DENND2C: variants seen among roughly 807,000 people sequenced by gnomAD.
DENND2C encodes DENN domain-containing protein 2C.
Under a neutral mutation model 112.4 loss-of-function variants are expected in DENND2C, and 72 were observed. The observed-to-expected ratio is 0.64, with a 90% CI of 0.53 to 0.78. DENND2C has a LOEUF of 0.78. Among genes scored for constraint, DENND2C ranks in the 30% least tolerant of loss-of-function variants. DENND2C has a pLI of 0.00. For missense variants in DENND2C, 992 were observed against 1,113.8 expected (o/e 0.89, Z 1.56); for synonymous variants, 329 against 381.6 (o/e 0.86, Z 1.61).
chr1:114,601,061 C>T, intron 13 of DENND2C, 101 bp from the exon 14 acceptor site: 1 of 1,285,748 alleles, frequency 7.8e-7, no homozygotes, highest in Non-Finnish European at 1.0e-6. Flanking sequence ...TTTAAAATAA[C>T]CCAAATAAAA....
chr1:114,647,159 C>CT (rs1338352241), intron 2 of DENND2C, among the ~76,000 whole-genome samples: 1 of 101,062 alleles, frequency 9.9e-6, no homozygotes, highest in Non-Finnish European at 2.0e-5. Flanking sequence ...GAGATTCTAT[C>CT]TTAAAAAAAA....
chr1:114,635,537 A>T (rs1418487448), intron 3 of DENND2C, among the ~76,000 whole-genome samples: 2 of 152,172 alleles, frequency 1.3e-5, no homozygotes, highest in Non-Finnish European at 1.5e-5. Context: ...TAGGAGAAGA[A>T]AAAGAAATAA....
rs780932484 is a variant in DENND2C at position 114,587,926 on chromosome 1, C to T, written c.2458G>A (p.Glu820Lys). ...QDVTLNSLVS[E>K]AFVRFFVELV... ...TCCACAAAAAACCTGACAAATGCTT[C>T]GGACACCAGAGAGTTGAGTGTCACA... Residue 820 changes from glutamate (E) to lysine (K), a missense_variant, in exon 19 of 21, where the codon GAA (glutamate) becomes AAA (lysine). Physicochemically the swap from Glu to Lys is moderately conservative, Grantham distance 56. Around this residue, in one of 3 missense-constraint regions of DENND2C, gnomAD observed 516 missense variants for 623.6 expected, o/e 0.83. Coordinates refer to ENST00000393274, the MANE Select transcript of DENND2C (RefSeq NM_001256404.2). The T allele has an allele frequency of 8.1e-6, 13 of 1,613,944 alleles. No individual in the cohort carries two copies. In the Admixed American group the frequency reaches 1.2e-4, roughly 14 times the overall value.
At chr1:114,619,343 C>T (rs1030378588) in intron 7 of DENND2C, among the ~76,000 whole-genome samples, 1 of 152,160 alleles carries the variant, frequency 6.6e-6, no homozygotes, top group South Asian at 2.1e-4. Context: ...AAGTATTAGT[C>T]CTGATTTAAC....
At chr1:114,665,271 GAAAA>G (rs60777854) in intron 1 of DENND2C, among the ~76,000 whole-genome samples, 1 of 119,298 alleles carries the variant, frequency 8.4e-6, no homozygotes. Flanking sequence ...CCTGTCTCTT[GAAAA>G]AAAAAAAAAA....
intron 1 of DENND2C, among the ~76,000 whole-genome samples, chr1:114,655,151 G>A (rs1570813104): frequency 6.6e-6 from 1 of 152,112 alleles, no homozygotes; most frequent in South Asian, 2.1e-4. Context: ...GCCACAAGCA[G>A]GTATTATTAT....
At position 114,618,485 on chromosome 1, in the gene DENND2C, G is replaced by C; in HGVS notation, c.1228-3C>G. 6.5e-7 allele frequency: 1 copy of C among 1,537,170 alleles called. No individual in the cohort carries two copies. The highest frequency in any genetic ancestry group is 8.8e-7 in the Non-Finnish European group (1 of 1,140,890). ...ATGTCATCTATTTTCAATACAAGCT[G>C]AAAAAAGACCAGAAAAATACAAATT... On this transcript the variant is annotated splice_region_variant and splice_polypyrimidine_tract_variant and intron_variant, in intron 7 of 20. Transcript: ENST00000393274.
intron 18 of DENND2C, among the ~76,000 whole-genome samples, chr1:114,591,264 G>A (rs1655182275): frequency 6.6e-6 from 1 of 152,042 alleles, no homozygotes; most frequent in Admixed American, 6.6e-5. Flanking sequence ...CACAGTGCCT[G>A]GACAGATTTT....
intron 3 of DENND2C, among the ~76,000 whole-genome samples, chr1:114,636,693 T>G (rs530688834): frequency 4.6e-5 from 7 of 150,920 alleles, no homozygotes; most frequent in African/African-American, 1.7e-4. Context: ...AAAAACATAA[T>G]GAATAAGGCA....
In DENND2C at chr1:114,608,813, G is replaced by A. The variant is rs770237115; in HGVS notation, c.1430C>T (p.Thr477Ile). Residue 477 changes from threonine (T) to isoleucine (I), a missense_variant, in exon 10 of 21, where the codon ACC becomes ATC. By Grantham distance (89) the Thr-to-Ile change is moderately conservative. Around this residue, in one of 3 missense-constraint regions of DENND2C, gnomAD observed 516 missense variants for 623.6 expected, o/e 0.83. Transcript: ENST00000393274. ...TAATTCAATAAGATCCCGCTCCAAG[G>A]TCTGGTAGTGAGGATTCCTCTTGGA... is the stretch of plus-strand genomic sequence containing the variant. ...PSSKRNPHYQ[T>I]LERDLIELQE... 6.2e-7 allele frequency: 1 copy of A among 1,614,178 alleles called. No individual in the cohort carries two copies. The highest frequency in any genetic ancestry group is 8.5e-7 in the Non-Finnish European group (1 of 1,180,028).
At chr1:114,601,466 C>A in intron 13 of DENND2C, 42 bp downstream of exon 13, 2 of 1,578,124 alleles carry the variant, frequency 1.3e-6, no homozygotes, top group Non-Finnish European at 1.7e-6. Flanking sequence ...ATTAAGAGCT[C>A]AAAAAGGACA....
intron 17 of DENND2C, among the ~76,000 whole-genome samples, chr1:114,595,202 C>T (rs949930685): frequency 2.0e-5 from 3 of 152,118 alleles, no homozygotes; most frequent in African/African-American, 4.8e-5. Context: ...AGTGCTTGGC[C>T]GGGCATGGTG....
intron 11 of DENND2C, among the ~76,000 whole-genome samples, chr1:114,604,230 G>A (rs1394831700): frequency 6.6e-6 from 1 of 152,174 alleles, no homozygotes; most frequent in African/African-American, 2.4e-5. Flanking sequence ...AACAGCTGAG[G>A]CTATTATCCA....
intron 1 of DENND2C, among the ~76,000 whole-genome samples, chr1:114,662,300 A>C (rs1331133923): frequency 2.6e-5 from 4 of 152,154 alleles, no homozygotes; most frequent in African/African-American, 9.7e-5. Flanking sequence ...TTTTTACTCC[A>C]ACAGAAAAAA....
intron 1 of DENND2C, among the ~76,000 whole-genome samples, chr1:114,656,401 CTT>C (rs776761733): frequency 7.2e-5 from 10 of 138,464 alleles, no homozygotes; most frequent in Admixed American, 1.5e-4. Flanking sequence ...TTCTTTCTTT[CTT>C]TTTTTTTTTT....
In DENND2C at chr1:114,600,859, G is replaced by GGCAC; in HGVS notation, c.1916_1917insGTGC (p.Ile640CysfsTer5). 6.2e-7 allele frequency: 1 copy of GGCAC among 1,613,968 alleles called. No homozygotes were observed. Among genetic ancestry groups the GGCAC allele is most frequent in the Non-Finnish European group, 8.5e-7 (1 of 1,179,910 alleles). On this transcript the variant is annotated frameshift_variant, in exon 14 of 21. Transcript: ENST00000393274. LOFTEE classifies it high-confidence loss of function. ...CAGGGAGGTAACTCTTAACTGTGAT[G>GGCAC]GTGCGTCCAGGAGCTGGGAAAGGAG... is the stretch of plus-strand genomic sequence containing the variant.
intron 3 of DENND2C, among the ~76,000 whole-genome samples, chr1:114,634,564 A>C (rs969899809): frequency 2.6e-5 from 4 of 152,186 alleles, no homozygotes; most frequent in Non-Finnish European, 5.9e-5. Flanking sequence ...AGACTCAATA[A>C]ATTTTAAAAG....
At chr1:114,658,243 G>A (rs1453277798) in intron 1 of DENND2C, among the ~76,000 whole-genome samples, 1 of 151,920 alleles carries the variant, frequency 6.6e-6, no homozygotes, top group Non-Finnish European at 1.5e-5. Flanking sequence ...TCAGAGTTAT[G>A]AAAAAAACCT....
At chr1:114,589,111 T>C (rs1005508448) in intron 18 of DENND2C, among the ~76,000 whole-genome samples, 1 of 152,188 alleles carries the variant, frequency 6.6e-6, no homozygotes, top group East Asian at 1.9e-4. Flanking sequence ...AGTCAGGTGA[T>C]TTTTAATCCC....
Sources: gnomAD v4.1 joint callset for allele counts (sites outside exome capture counted in the v4.1 genomes callset) on GRCh38, gnomAD v4.1.1 for gene constraint, gnomAD v4.1.1 regional missense constraint, MANE v1.5 for transcripts, NCBI Gene and HGNC (gene_info 2026-07-23, HGNC 2026-07-21) for gene names.